Variants in FNBP1 observed in about 807,000 individuals in gnomAD.
FNBP1 encodes formin binding protein 1, also known as formin-binding protein 1.
A neutral mutation model predicts 90.6 loss-of-function variants in FNBP1; 26 were observed. The observed-to-expected ratio is 0.29, with a 90% CI of 0.21 to 0.40. The LOEUF (loss-of-function observed/expected upper bound fraction) is 0.40. Ranked by LOEUF, FNBP1 falls within the 10% of genes least tolerant of loss-of-function variation. The pLI is 1.00. For synonymous variants in FNBP1, 260 were observed against 265.2 expected (o/e 0.98, Z 0.19); for missense variants, 635 against 768.0 (o/e 0.83, Z 2.05).
chr9:129,918,578 A>G (rs899805091), intron 10 of FNBP1, among the ~76,000 whole-genome samples: 18 of 152,174 alleles, frequency 1.2e-4, no homozygotes, highest in African/African-American at 4.8e-5. Context: ...GAAAATAAAT[A>G]TATATAGAGA....
intron 10 of FNBP1, 64 bp downstream of exon 10, chr9:129,923,779 GT>G: frequency 7.0e-7 from 1 of 1,437,838 alleles, no homozygotes; most frequent in Non-Finnish European, 9.1e-7. Flanking sequence ...AACAAAATTA[GT>G]TATGCAGAAC....
rs144787726 is a variant in FNBP1, at chr9:130,028,728, C to A, written c.24+14224G>T. Among the ~76,000 whole-genome samples, 327 of 152,308 alleles carry A rather than the reference C, an allele frequency of 2.1e-3. 2 individuals are homozygous for A. The highest frequency in any genetic ancestry group is 7.5e-3 in the African/African-American group (311 of 41,576). The stretch of plus-strand genomic sequence containing the variant: ...TGTCCAAAAGGGCAACACGTTATGA[C>A]AGCTATGCTAGGTAACAGAGTTCCA... On this transcript the variant is annotated intron_variant, in intron 1 of 16. Coordinates refer to ENST00000446176, the MANE Select transcript of FNBP1 (RefSeq NM_015033.3).
intron 4 of FNBP1, among the ~76,000 whole-genome samples, chr9:129,965,800 G>T (rs1411520325): frequency 1.1e-5 from 1 of 95,214 alleles, no homozygotes; most frequent in Non-Finnish European, 2.4e-5. Context: ...GAGGGAGGGG[G>T]GAAGGAGGGA....
chr9:129,930,854 A>C (rs1462224751), intron 6 of FNBP1, among the ~76,000 whole-genome samples: 1 of 152,222 alleles, frequency 6.6e-6, no homozygotes, highest in Non-Finnish European at 1.5e-5. Flanking sequence ...ACCTCCTGCC[A>C]GATGAAGATA....
chr9:129,959,925 C>T (rs886103848), intron 4 of FNBP1, among the ~76,000 whole-genome samples: 1 of 152,112 alleles, frequency 6.6e-6, no homozygotes, highest in Non-Finnish European at 1.5e-5. Flanking sequence ...CCTTTGGTAA[C>T]TGGGATGTGT....
chr9:129,988,847 C>G (rs1210426696), intron 2 of FNBP1, among the ~76,000 whole-genome samples: 1 of 152,148 alleles, frequency 6.6e-6, no homozygotes, highest in East Asian at 1.9e-4. Context: ...ATGCTAAGAC[C>G]TGACCTACAG....
intron 6 of FNBP1, among the ~76,000 whole-genome samples, chr9:129,943,591 C>G (rs1588733190): frequency 6.6e-6 from 1 of 152,080 alleles, no homozygotes; most frequent in Non-Finnish European, 1.5e-5. Flanking sequence ...TTCGCCATGT[C>G]AGCCAGGCTG....
intron 1 of FNBP1, chr9:130,013,898 G>A (rs1285648940): frequency 4.6e-6 from 2 of 432,012 alleles, no homozygotes; most frequent in Admixed American, 5.2e-5. Context: ...GCCTTCAACT[G>A]GTGCCAGCAC....
intron 2 of FNBP1, among the ~76,000 whole-genome samples, chr9:129,984,539 C>T (rs1391915733): frequency 6.6e-6 from 1 of 152,152 alleles, no homozygotes; most frequent in African/African-American, 2.4e-5. Flanking sequence ...TGGGCAGGAG[C>T]CGGGGCTCAC....
At chr9:130,004,513 A>G (rs1342165651) in intron 1 of FNBP1, among the ~76,000 whole-genome samples, 1 of 151,976 alleles carries the variant, frequency 6.6e-6, no homozygotes, top group Non-Finnish European at 1.5e-5. Flanking sequence ...ATTTCTGTAT[A>G]CTCCAGTTTT....
At chr9:130,025,846 C>T (rs894844301) in intron 1 of FNBP1, among the ~76,000 whole-genome samples, 2 of 152,110 alleles carry the variant, frequency 1.3e-5, no homozygotes, top group Non-Finnish European at 2.9e-5. Flanking sequence ...ACTGCTTGAA[C>T]CCAGGAGGTG....
At position 129,889,081 on chromosome 9, in the gene FNBP1, C is replaced by CGG. The variant is rs753987401; in HGVS notation, c.*1456_*1457dup. The CGG allele has an allele frequency of 9.6e-3, 388 of 40,578 alleles. 4 individuals are homozygous for CGG. The highest frequency in any genetic ancestry group is 0.047 in the Middle Eastern group (7 of 148). 2.5% of individuals were successfully genotyped at this position (40,578 alleles called of 1,614,324 possible). A position where few individuals can be genotyped will look rare whatever the true frequency, so the allele number is the denominator to read the frequency against. On this transcript the variant is annotated 3_prime_UTR_variant, in exon 17 of 17. Coordinates refer to ENST00000446176, the MANE Select transcript of FNBP1 (RefSeq NM_015033.3). ...GGGGCTGCTCTGCTCTAAGGCGTGGCGGGGGGGGGGGGTGGTGGCCACAGA... is the reference window on the plus strand; with the variant it reads ...GGGGCTGCTCTGCTCTAAGGCGTGGCGGGGGGGGGGGGGGTGGTGGCCACAGA...
In FNBP1 at chr9:130,041,181, A is replaced by AC. The variant is rs1399336088; in HGVS notation, c.24+1770dup. Reference sequence around the variant, plus strand: ...CACTCCTAACCCTGCCTTCCTTCCCACTTCTGCACCCTCAAAAAGAAATGT... The same window carrying AC: ...CACTCCTAACCCTGCCTTCCTTCCCACCTTCTGCACCCTCAAAAAGAAATGT... On this transcript the variant is annotated intron_variant, in intron 1 of 16. Coordinates refer to ENST00000446176, the MANE Select transcript of FNBP1 (RefSeq NM_015033.3). The surrounding 1 kb of genome is among the most constrained non-coding windows in gnomAD (Gnocchi z 4.3). Among the ~76,000 whole-genome samples, 2 of 151,506 alleles carry AC rather than the reference A, an allele frequency of 1.3e-5. No individual in the cohort carries two copies. The highest frequency in any genetic ancestry group is 2.9e-5 in the Non-Finnish European group (2 of 67,868).
chr9:130,029,945 C>T (rs1041883766), intron 1 of FNBP1, among the ~76,000 whole-genome samples: 1 of 151,906 alleles, frequency 6.6e-6, no homozygotes, highest in Non-Finnish European at 1.5e-5. Flanking sequence ...GATTGAGCCA[C>T]TGTACTCCAG....
intron 1 of FNBP1, chr9:130,013,694 G>A (rs1231152577): frequency 2.2e-6 from 1 of 456,248 alleles, no homozygotes. Flanking sequence ...GCAACAACCT[G>A]CTTTGTTGTC....
chr9:130,013,980 T>C (rs576526687), intron 1 of FNBP1: 1 of 455,986 alleles, frequency 2.2e-6, no homozygotes, highest in Non-Finnish European at 4.4e-6. Context: ...ATTACCCAGG[T>C]TGTGGTATTC....
At chr9:129,895,184 T>C in intron 16 of FNBP1, 1 of 851,018 alleles carries the variant, frequency 1.2e-6, no homozygotes, top group Non-Finnish European at 1.5e-6. Flanking sequence ...GCTGGTTGTC[T>C]GGGATCATGT....
chr9:130,036,908 G>A (rs898213130), intron 1 of FNBP1, among the ~76,000 whole-genome samples: 6 of 152,022 alleles, frequency 3.9e-5, no homozygotes, highest in Admixed American at 2.0e-4. Flanking sequence ...AGCCGGGCGC[G>A]GTGGCAGGCG....
intron 6 of FNBP1, among the ~76,000 whole-genome samples, chr9:129,955,266 C>T (rs888240282): frequency 6.6e-6 from 1 of 151,666 alleles, no homozygotes; most frequent in Non-Finnish European, 1.5e-5. Flanking sequence ...CGGGGTCTGG[C>T]TCTGTCATCC....
Sources: allele counts gnomAD v4.1 joint callset (sites outside exome capture counted in the v4.1 genomes callset), GRCh38; gene constraint gnomAD v4.1.1; non-coding constraint Gnocchi (gnomAD v3.1); transcripts MANE v1.5; gene names NCBI Gene and HGNC (gene_info 2026-07-23, HGNC 2026-07-21).